The following NHSL1 variants were observed in gnomAD, a reference collection of about 807,000 sequenced individuals.
The protein encoded by NHSL1 is NHS-like protein 1.
A neutral mutation model predicts 95.0 loss-of-function variants in NHSL1; 48 were observed. The ratio of observed to expected loss-of-function variants is 0.51; its 90% CI spans 0.40 to 0.64. The LOEUF is 0.64. Among genes scored for constraint, NHSL1 ranks in the 30% least tolerant of loss-of-function variants. The pLI, the probability that NHSL1 is intolerant of heterozygous loss-of-function variation, is 0.00. For missense variants in NHSL1, 1,971 were observed against 2,077.7 expected (o/e 0.95, Z 1.00); for synonymous variants, 783 against 833.9 (o/e 0.94, Z 1.05).
At chr6:138,516,627 T>C (rs1781473125) in intron 1 of NHSL1, among the ~76,000 whole-genome samples, 2 of 152,002 alleles carry the variant, frequency 1.3e-5, no homozygotes, top group African/African-American at 2.4e-5. Context: ...TTTGGGAAAA[T>C]AGGCAATTCG....
In NHSL1 at chr6:138,635,572, A is replaced by T. The variant is rs1784876593; in HGVS notation, c.96+56904T>A. Among the ~76,000 whole-genome samples the T allele has an allele frequency of 3.9e-5, 6 of 152,326 alleles. No individual in the cohort carries two copies. In the South Asian group the frequency reaches 1.2e-3, roughly 32 times the overall value. On this transcript the variant is annotated intron_variant, in intron 1 of 3. Transcript: ENST00000491526. ...CAAAAGCCCAAGACCCAATGGTTTA[A>T]CTGCTGAATTCTACCAAACATTTAA...
chr6:138,650,915 A>G (rs1348749659), intron 1 of NHSL1: 2 of 539,610 alleles, frequency 3.7e-6, no homozygotes, highest in African/African-American at 1.9e-5. Flanking sequence ...ATCCACTTGC[A>G]CAATGTATTT....
chr6:138,691,025 T>A (rs997356825), intron 1 of NHSL1, among the ~76,000 whole-genome samples: 1 of 152,194 alleles, frequency 6.6e-6, no homozygotes, highest in African/African-American at 2.4e-5. Flanking sequence ...ACATTCTTTG[T>A]CAAGGGTAAA....
intron 1 of NHSL1, among the ~76,000 whole-genome samples, chr6:138,569,957 C>T (rs912710028): frequency 2.6e-5 from 4 of 152,270 alleles, no homozygotes; most frequent in Admixed American, 2.0e-4. Context: ...TCCCCTATTC[C>T]GTTAAGGGAT....
chr6:138,486,028 C>T (rs1263667258), intron 2 of NHSL1, among the ~76,000 whole-genome samples: 3 of 152,136 alleles, frequency 2.0e-5, no homozygotes, highest in Non-Finnish European at 4.4e-5. Flanking sequence ...TAACACGCTT[C>T]CCCAATTCCC....
intron 3 of NHSL1, among the ~76,000 whole-genome samples, chr6:138,463,920 C>G (rs1470654098): frequency 6.6e-6 from 1 of 152,204 alleles, no homozygotes; most frequent in Non-Finnish European, 1.5e-5. Flanking sequence ...CGTATCACCA[C>G]CTGGTGTTGT....
upstream of NHSL1, among the ~76,000 whole-genome samples, chr6:138,573,709 A>G (rs1001315473): frequency 6.6e-6 from 1 of 152,188 alleles, no homozygotes; most frequent in East Asian, 1.9e-4. Flanking sequence ...AGAGTCCTTG[A>G]GATCACGTAG....
chr6:138,564,142 C>T lies in NHSL1; in HGVS notation c.202+7568G>A, dbSNP rs560663193. On this transcript the variant is annotated intron_variant, in intron 1 of 6. Coordinates refer to the NHSL1 transcript ENST00000427025. ...ACAGAAAACACCAAAAGTATGCCAT[C>T]GAAATTATGTTTCCACAAACAGAAC... Among the ~76,000 whole-genome samples, 9 of 152,200 alleles carry T rather than the reference C, an allele frequency of 5.9e-5. No individual in the cohort carries two copies. In the South Asian group the frequency reaches 1.7e-3, roughly 28 times the overall value.
intron 1 of NHSL1, among the ~76,000 whole-genome samples, chr6:138,653,859 G>C (rs936436256): frequency 6.6e-6 from 1 of 152,146 alleles, no homozygotes; most frequent in Non-Finnish European, 1.5e-5. Flanking sequence ...CTTACTGTAT[G>C]ATACGCTCCA....
At chr6:138,587,765 C>A (rs1010026819) in intron 1 of NHSL1, among the ~76,000 whole-genome samples, 2 of 151,666 alleles carry the variant, frequency 1.3e-5, no homozygotes, top group African/African-American at 4.8e-5. Context: ...TTGGAAGCTT[C>A]CCATGGAACA....
At chr6:138,681,105 C>T (rs918770904) in intron 1 of NHSL1, among the ~76,000 whole-genome samples, 2 of 151,996 alleles carry the variant, frequency 1.3e-5, no homozygotes, top group Admixed American at 1.3e-4. Flanking sequence ...AAAAAAGAAA[C>T]CAGCTAAAAG....
At chr6:138,531,544 G>T (rs1442014239) in intron 1 of NHSL1, among the ~76,000 whole-genome samples, 1 of 150,920 alleles carries the variant, frequency 6.6e-6, no homozygotes, top group Non-Finnish European at 1.5e-5. Flanking sequence ...CCTGAAACAG[G>T]GTCTTGCTCT....
At chr6:138,480,444 G>C (rs2128259249) in intron 2 of NHSL1, among the ~76,000 whole-genome samples, 1 of 152,306 alleles carries the variant, frequency 6.6e-6, no homozygotes, top group East Asian at 1.9e-4. Context: ...AGGGTCAACT[G>C]TATTTCAAAC....
At chr6:138,571,952 A>T (rs1461103639) in exon 1 of NHSL1, 2 of 1,527,502 alleles carry the variant, frequency 1.3e-6, no homozygotes, top group Non-Finnish European at 1.8e-6. Context: ...ACAGCCCAGC[A>T]AACAAAACGC....
intron 1 of NHSL1, among the ~76,000 whole-genome samples, chr6:138,539,272 A>T (rs139896830): frequency 6.0e-4 from 91 of 152,288 alleles, no homozygotes; most frequent in African/African-American, 2.2e-3. Flanking sequence ...ATCCTGCCAA[A>T]CTGTTTAATC....
chr6:138,625,289 T>C (rs1052626666), intron 1 of NHSL1, among the ~76,000 whole-genome samples: 22 of 152,130 alleles, frequency 1.4e-4, no homozygotes, highest in Admixed American at 7.9e-4. Flanking sequence ...ACTACAGGTG[T>C]GCGCCACCAC....
At chr6:138,553,329 TTCTCTAAAGCC>T (rs1213521441) in intron 1 of NHSL1, among the ~76,000 whole-genome samples, 1 of 152,214 alleles carries the variant, frequency 6.6e-6, no homozygotes, top group African/African-American at 2.4e-5. Flanking sequence ...TGCTTTTTAC[TTCTCTAAAGCC>T]TCATCTAACC....
At chr6:138,552,907 A>C (rs762722806) in intron 1 of NHSL1, among the ~76,000 whole-genome samples, 36 of 152,216 alleles carry the variant, frequency 2.4e-4, no homozygotes, top group Non-Finnish European at 4.7e-4. Context: ...ATGTCGCTTC[A>C]AAGCATAGTG....
intron 1 of NHSL1, among the ~76,000 whole-genome samples, chr6:138,682,803 G>A (rs1214929147): frequency 1.3e-5 from 2 of 152,174 alleles, no homozygotes; most frequent in African/African-American, 2.4e-5. Flanking sequence ...AATCTCCAGG[G>A]GCGGGGCCAC....
Sources: gnomAD v4.1 joint callset for allele counts (sites outside exome capture counted in the v4.1 genomes callset) on GRCh38, gnomAD v4.1.1 for gene constraint, MANE v1.5 for transcripts, NCBI Gene and HGNC (gene_info 2026-07-23, HGNC 2026-07-21) for gene names.